BCO2: variants seen among roughly 807,000 people sequenced by gnomAD.
The protein encoded by BCO2 is beta-carotene oxygenase 2, also known as carotenoid-cleaving dioxygenase, mitochondrial.
A neutral mutation model predicts 65.8 loss-of-function variants in BCO2; 56 were observed. The ratio of observed to expected loss-of-function variants is 0.85; its 90% CI spans 0.69 to 1.06. The LOEUF is 1.06. BCO2 is among the 50% of genes least tolerant of loss of function. The probability of loss-of-function intolerance (pLI) is 0.00; values close to 1 mark genes in which losing one functional copy is unlikely to be tolerated. For missense variants in BCO2, 675 were observed against 698.5 expected (o/e 0.97, Z 0.38); for synonymous variants, 233 against 242.3 (o/e 0.96, Z 0.36).
chr11:112,199,880 A>G (rs898222294), intron 6 of BCO2, 53 bp downstream of exon 6: 10 of 1,591,810 alleles, frequency 6.3e-6, no homozygotes, highest in African/African-American at 4.0e-5. Flanking sequence ...ATGTTGCTGT[A>G]GCAGAAGGAC....
At chr11:112,207,677 C>T (rs1859384141) in intron 8 of BCO2, among the ~76,000 whole-genome samples, 2 of 152,166 alleles carry the variant, frequency 1.3e-5, no homozygotes, top group Admixed American at 6.5e-5. Flanking sequence ...TGTCAGTTCC[C>T]CACACAAAAA....
chr11:112,212,416 G>A (rs558221184), intron 8 of BCO2, among the ~76,000 whole-genome samples: 8 of 152,184 alleles, frequency 5.3e-5, no homozygotes, highest in Non-Finnish European at 8.8e-5. Flanking sequence ...CAGGAGGACT[G>A]CTTGAGCCCA....
At chr11:112,191,184 A>T (rs942308001) in intron 2 of BCO2, among the ~76,000 whole-genome samples, 3 of 151,812 alleles carry the variant, frequency 2.0e-5, no homozygotes, top group Non-Finnish European at 4.4e-5. Flanking sequence ...CTAGTAAAGT[A>T]AAATTATCTC....
chr11:112,210,756 GCACACACA>G (rs34029146), intron 8 of BCO2, among the ~76,000 whole-genome samples: 18 of 148,260 alleles, frequency 1.2e-4, no homozygotes, highest in East Asian at 4.0e-4. Context: ...CTAAATACAC[GCACACACA>G]CACACACACA....
chr11:112,204,749 T>G (rs1418243982), intron 8 of BCO2, among the ~76,000 whole-genome samples: 1 of 152,216 alleles, frequency 6.6e-6, no homozygotes, highest in East Asian at 1.9e-4. Context: ...CTCGTCTCAC[T>G]GCAACCTCCG....
At chr11:112,203,352 C>T (rs1010893038) in intron 8 of BCO2, among the ~76,000 whole-genome samples, 11 of 152,160 alleles carry the variant, frequency 7.2e-5, no homozygotes, top group African/African-American at 2.7e-4. Context: ...TGGGTCTTGA[C>T]ATCTGTGGTT....
chr11:112,180,739 G>T, intron 2 of BCO2: 1 of 830,482 alleles, frequency 1.2e-6, no homozygotes, highest in Non-Finnish European at 2.1e-6. Flanking sequence ...GTGGGAGGGT[G>T]GTGGCCCACT....
chr11:112,186,954 G>C (rs367849261), intron 2 of BCO2, among the ~76,000 whole-genome samples: 314 of 152,232 alleles, frequency 2.1e-3, no homozygotes, highest in African/African-American at 3.0e-3. Context: ...CATAGTCTAG[G>C]CTCCCAGTTC....
intron 2 of BCO2, among the ~76,000 whole-genome samples, chr11:112,187,531 C>T (rs1867234492): frequency 6.6e-6 from 1 of 150,588 alleles, no homozygotes; most frequent in African/African-American, 2.4e-5. Flanking sequence ...TGACCCTTTC[C>T]TGAAGCCTCC....
chr11:112,180,682 T>C (rs1277142240), intron 2 of BCO2: 1 of 604,300 alleles, frequency 1.7e-6, no homozygotes, highest in Non-Finnish European at 3.0e-6. Context: ...TCCAAGTGGG[T>C]GGAGGGGGGG....
chr11:112,179,441 A>C lies in BCO2; in HGVS notation c.252A>C (p.Leu84=), dbSNP rs201952538. Residue 84 remains leucine, a synonymous_variant, in exon 2 of 12, where the codon CTA becomes CTC. Coordinates refer to ENST00000357685, the MANE Select transcript of BCO2 (RefSeq NM_031938.7). The stretch of plus-strand genomic sequence containing the variant: ...TTCCTAAGTGGCTCAATGGCTCTCT[A>C]CTTCGAATTGGACCTGGGAAATTCG... ...GHFPKWLNGS[L]LRIGPGKFEF... 1.3e-5 allele frequency: 21 copies of C among 1,614,128 alleles called. No individual in the cohort carries two copies. In the East Asian group the frequency reaches 4.5e-4, roughly 34 times the overall value.
chr11:112,177,893 C>G (rs1239229151), intron 1 of BCO2, among the ~76,000 whole-genome samples: 1 of 142,784 alleles, frequency 7.0e-6, no homozygotes, highest in Non-Finnish European at 1.5e-5. Flanking sequence ...AGACCTTGAC[C>G]AATTAATGGA....
chr11:112,181,122 C>G, intron 2 of BCO2: 1 of 1,453,476 alleles, frequency 6.9e-7, no homozygotes, highest in Non-Finnish European at 9.7e-7. Context: ...AGTATGCTGG[C>G]CCACATGTTT....
intron 8 of BCO2, among the ~76,000 whole-genome samples, chr11:112,203,168 G>A (rs2135383327): frequency 6.6e-6 from 1 of 152,302 alleles, no homozygotes; most frequent in South Asian, 2.1e-4. Context: ...TAGTTGAAGG[G>A]ATTCACTTTT....
chr11:112,180,448 G>A (rs1867005229), intron 2 of BCO2, among the ~76,000 whole-genome samples: 1 of 152,204 alleles, frequency 6.6e-6, no homozygotes, highest in African/African-American at 2.4e-5. Context: ...GTAATTTGAT[G>A]AGGGTAGAGA....
intron 4 of BCO2, chr11:112,194,267 G>T: frequency 2.3e-6 from 1 of 430,124 alleles, no homozygotes; most frequent in Non-Finnish European, 4.2e-6. Flanking sequence ...TGGCTAGTTG[G>T]GGTGTTCTTC....
chr11:112,181,124 C>G lies in BCO2; in HGVS notation c.293+1642C>G, dbSNP rs562614248. On this transcript the variant is annotated intron_variant, in intron 2 of 11. Transcript: ENST00000357685. ...TAAAGAACCTGACAGTATGCTGGCC[C>G]ACATGTTTAAGGACAAAGGTGTCTG... 2.8e-6 allele frequency: 4 copies of G among 1,451,880 alleles called. No individual in the cohort carries two copies. In the South Asian group the frequency reaches 4.6e-5, roughly 17 times the overall value. 89.9% of individuals were successfully genotyped at this position (1,451,880 alleles called of 1,614,324 possible). A position where few individuals can be genotyped will look rare whatever the true frequency, so the allele number is the denominator to read the frequency against.
rs777617294 is a variant in BCO2 at position 112,213,911 on chromosome 11, ACTTTATT to A, written c.1332+56_1332+62del. The A allele has an allele frequency of 8.9e-5, 85 of 957,290 alleles. 7 individuals are homozygous for A. The African/African-American group carries it at 1.5e-3, about 17-fold the overall frequency. The allele number at this position is 957,290 out of a possible 1,614,324, so 59.3% of individuals were successfully genotyped here. A position where few individuals can be genotyped will look rare whatever the true frequency, so the allele number is the denominator to read the frequency against. ...TAAGACTTTGAACTTTAATGGTGTT[ACTTTATT>A]CTTTAGCTGTTTTCCAAAATGTCTG... On this transcript the variant is annotated intron_variant, in intron 9 of 11. Coordinates refer to ENST00000357685, the MANE Select transcript of BCO2 (RefSeq NM_031938.7).
chr11:112,192,539 G>A (rs117159817), intron 2 of BCO2, among the ~76,000 whole-genome samples: 500 of 152,196 alleles, frequency 3.3e-3, no homozygotes, highest in Middle Eastern at 0.014. Flanking sequence ...ATCTAGGAAG[G>A]ACAGTTATCT....
Sources: gnomAD v4.1 joint callset for allele counts (sites outside exome capture counted in the v4.1 genomes callset) on GRCh38, gnomAD v4.1.1 for gene constraint, MANE v1.5 for transcripts, NCBI Gene and HGNC (gene_info 2026-07-23, HGNC 2026-07-21) for gene names.